CERS6: variants seen among roughly 807,000 people sequenced by gnomAD.
The protein encoded by CERS6 is LAG1 homolog, ceramide synthase 6.
CERS6 carries 26 observed loss-of-function variants against 56.8 expected under a neutral mutation model. The ratio of observed to expected loss-of-function variants is 0.46; its 90% CI spans 0.34 to 0.63. CERS6 has a LOEUF of 0.63. CERS6 is among the 30% of genes least tolerant of loss of function. The pLI is 0.01. For missense variants in CERS6, 415 were observed against 467.5 expected, an observed-to-expected ratio of 0.89 and a Z score of 1.04; for synonymous variants, 164 against 173.3, an observed-to-expected ratio of 0.95 and a Z score of 0.42.
chr2:168,738,499 T>G (rs1309142447), intron 8 of CERS6, among the ~76,000 whole-genome samples: 1 of 152,198 alleles, frequency 6.6e-6, no homozygotes, highest in Non-Finnish European at 1.5e-5. Context: ...ACTATGGAAG[T>G]TTGGAACTTC....
intron 3 of CERS6, among the ~76,000 whole-genome samples, chr2:168,568,710 GT>G (rs1217133758): frequency 2.0e-5 from 3 of 152,212 alleles, no homozygotes; most frequent in African/African-American, 7.2e-5. Context: ...GAAAGGTTAT[GT>G]TTTATGCTTC....
At chr2:168,621,520 C>T (rs1684471168) in intron 3 of CERS6, among the ~76,000 whole-genome samples, 1 of 152,148 alleles carries the variant, frequency 6.6e-6, no homozygotes, top group African/African-American at 2.4e-5. Context: ...GGCAGAATTT[C>T]ACCTAATAGA....
intron 5 of CERS6, among the ~76,000 whole-genome samples, chr2:168,694,367 G>A (rs530565568): frequency 5.9e-5 from 9 of 152,262 alleles, no homozygotes; most frequent in African/African-American, 1.4e-4. Flanking sequence ...GACGTGATCC[G>A]ATATCCTGGC....
rs200912619 is a variant in CERS6 at position 168,456,655 on chromosome 2, C to G, written c.170+37C>G. On this transcript the variant is annotated intron_variant, in intron 1 of 9. Transcript: ENST00000305747. The surrounding 1 kb of genome is among the most constrained non-coding windows in gnomAD (Gnocchi z 4.1). ...TGAAGCCCCTCCTCCCCTCCCCCTG[C>G]GCACACACACGCGCGCACACACTCG... 1,360 of 1,593,014 alleles carry G rather than the reference C, an allele frequency of 8.5e-4. 18 individuals carry two copies. The highest frequency in any genetic ancestry group is 6.2e-5 in the Non-Finnish European group (72 of 1,166,832).
chr2:168,585,451 G>A (rs1276036065), intron 3 of CERS6, among the ~76,000 whole-genome samples: 1 of 152,204 alleles, frequency 6.6e-6, no homozygotes, highest in Admixed American at 6.5e-5. Context: ...CTCAGGCTAC[G>A]AAGTCAGACA....
intron 4 of CERS6, among the ~76,000 whole-genome samples, chr2:168,646,716 A>G (rs895587252): frequency 1.3e-5 from 2 of 152,064 alleles, no homozygotes; most frequent in Non-Finnish European, 2.9e-5. Context: ...ATTTTTGTAT[A>G]TGGTGTAAGG....
chr2:168,761,468 AT>A (rs1008668074), intron 8 of CERS6, among the ~76,000 whole-genome samples: 1 of 152,262 alleles, frequency 6.6e-6, no homozygotes, highest in Admixed American at 6.5e-5. Flanking sequence ...GAATGGCATA[AT>A]GCAGTCATTG....
At chr2:168,554,840 GGAAGAATT>G (rs1362700343) in intron 2 of CERS6, among the ~76,000 whole-genome samples, 1 of 152,098 alleles carries the variant, frequency 6.6e-6, no homozygotes, top group East Asian at 1.9e-4. Context: ...TTAAATGAAA[GGAAGAATT>G]GACTTTTTAT....
intron 1 of CERS6, among the ~76,000 whole-genome samples, chr2:168,492,155 A>T (rs1694385699): frequency 6.6e-6 from 1 of 152,218 alleles, no homozygotes; most frequent in Non-Finnish European, 1.5e-5. Context: ...TTGCTGGGTC[A>T]AATGGTATTT....
intron 3 of CERS6, among the ~76,000 whole-genome samples, chr2:168,614,764 A>G (rs1043171259): frequency 6.6e-6 from 1 of 151,934 alleles, no homozygotes; most frequent in Non-Finnish European, 1.5e-5. Context: ...CCTTGCCCCA[A>G]CCTGATGGTC....
intron 2 of CERS6, among the ~76,000 whole-genome samples, chr2:168,559,290 T>C (rs1008928139): frequency 1.3e-5 from 2 of 152,172 alleles, no homozygotes. Context: ...AGTGATTTGC[T>C]GTGTTTTCTG....
chr2:168,750,988 C>A (rs1165417777), intron 8 of CERS6, among the ~76,000 whole-genome samples: 1 of 152,166 alleles, frequency 6.6e-6, no homozygotes, highest in Non-Finnish European at 1.5e-5. Context: ...TTCTTGATTA[C>A]CAAATATTTA....
At chr2:168,570,083 G>A (rs1030554363) in intron 3 of CERS6, among the ~76,000 whole-genome samples, 9 of 152,120 alleles carry the variant, frequency 5.9e-5, no homozygotes, top group African/African-American at 1.7e-4. Context: ...CCTAAGAGAG[G>A]TGGCTCTGAT....
At chr2:168,698,860 G>A (rs1431727311) in intron 6 of CERS6, among the ~76,000 whole-genome samples, 1 of 152,078 alleles carries the variant, frequency 6.6e-6, no homozygotes, top group Non-Finnish European at 1.5e-5. Context: ...TTTAGAAATC[G>A]ATTGTATATT....
At chr2:168,469,723 T>A (rs768939092) in intron 1 of CERS6, among the ~76,000 whole-genome samples, 1 of 152,288 alleles carries the variant, frequency 6.6e-6, no homozygotes, top group South Asian at 2.1e-4. Context: ...ACAGAATTGA[T>A]AGAAGTGATA....
chr2:168,573,148 CAT>C (rs1696021494), intron 3 of CERS6, among the ~76,000 whole-genome samples: 1 of 152,090 alleles, frequency 6.6e-6, no homozygotes, highest in South Asian at 2.1e-4. Flanking sequence ...CACAAAAGAA[CAT>C]ACTCATGTAC....
chr2:168,535,964 G>A (rs1001389653), intron 1 of CERS6, among the ~76,000 whole-genome samples: 8 of 151,412 alleles, frequency 5.3e-5, no homozygotes, highest in African/African-American at 9.7e-5. Flanking sequence ...CCTACTTAAC[G>A]TCTTTTGCCC....
chr2:168,643,065 G>A (rs564068893), intron 4 of CERS6, among the ~76,000 whole-genome samples: 5 of 152,188 alleles, frequency 3.3e-5, no homozygotes, highest in Non-Finnish European at 7.4e-5. Context: ...TAACTATACC[G>A]CAGTGTTCTG....
At chr2:168,657,326 T>C (rs1454635133) in intron 4 of CERS6, among the ~76,000 whole-genome samples, 2 of 152,230 alleles carry the variant, frequency 1.3e-5, no homozygotes, top group Non-Finnish European at 2.9e-5. Context: ...CTGAGCTAGA[T>C]ATAAAGACTC....
Sources: gnomAD v4.1 joint callset for allele counts (sites outside exome capture counted in the v4.1 genomes callset) on GRCh38, gnomAD v4.1.1 for gene constraint, Gnocchi (gnomAD v3.1) non-coding constraint, MANE v1.5 for transcripts, NCBI Gene and HGNC (gene_info 2026-07-23, HGNC 2026-07-21) for gene names.